The following KCNH5 variants were observed in gnomAD, a reference collection of about 807,000 sequenced individuals.
KCNH5 encodes potassium voltage-gated channel subfamily H member 5.
In KCNH5, 46 loss-of-function variants were observed where a neutral mutation model predicts 96.1. The observed-to-expected ratio is 0.48, with a 90% CI of 0.38 to 0.61. The LOEUF (loss-of-function observed/expected upper bound fraction) is 0.61. KCNH5 is among the 20% of genes least tolerant of loss of function. KCNH5 has a pLI of 0.00. For missense variants in KCNH5, 907 were observed against 1,225.8 expected, an observed-to-expected ratio of 0.74 and a Z score of 3.88; for synonymous variants, 439 against 449.8, an observed-to-expected ratio of 0.98 and a Z score of 0.30.
chr14:62,727,458 T>C (rs1464659711), intron 10 of KCNH5, among the ~76,000 whole-genome samples: 2 of 152,166 alleles, frequency 1.3e-5, no homozygotes, highest in Non-Finnish European at 2.9e-5. Flanking sequence ...ATGTTTCCTG[T>C]TCTGTTTCTT....
At chr14:62,742,561 T>C (rs564920791) in intron 10 of KCNH5, among the ~76,000 whole-genome samples, 1 of 152,218 alleles carries the variant, frequency 6.6e-6, no homozygotes, top group Non-Finnish European at 1.5e-5. Flanking sequence ...CTGAGGCCCA[T>C]TGTATTTTAT....
At chr14:63,001,587 G>A (rs978391999) in intron 3 of KCNH5, 128 bp from the exon 4 acceptor site, 13 of 738,420 alleles carry the variant, frequency 1.8e-5, no homozygotes, top group Non-Finnish European at 2.8e-5. Context: ...CAAAACAACA[G>A]TATATTAATT....
rs1166036876 is a variant in KCNH5, at chr14:62,701,658, T to A, written c.*5850A>T. ...ATTAGCCAAGTGAAAACAAGATGGTTTGGGCTGAAGATTCCAGCATGTAGT... is the reference window on the plus strand; with the variant it reads ...ATTAGCCAAGTGAAAACAAGATGGTATGGGCTGAAGATTCCAGCATGTAGT... On this transcript the variant is annotated 3_prime_UTR_variant, in exon 11 of 11. Coordinates refer to ENST00000322893, the MANE Select transcript of KCNH5 (RefSeq NM_139318.5). The A allele has an allele frequency of 6.6e-6, 1 of 152,172 alleles. No individual in the cohort carries two copies. The highest frequency in any genetic ancestry group is 1.5e-5 in the Non-Finnish European group (1 of 68,006). 9.4% of individuals were successfully genotyped at this position (152,172 alleles called of 1,614,324 possible).
At chr14:62,784,557 T>C (rs1886282749) in intron 9 of KCNH5, among the ~76,000 whole-genome samples, 1 of 152,186 alleles carries the variant, frequency 6.6e-6, no homozygotes, top group Admixed American at 6.6e-5. Flanking sequence ...AGCAAACCAT[T>C]TTCACCGATG....
At chr14:62,888,069 G>C (rs1888633794) in intron 7 of KCNH5, among the ~76,000 whole-genome samples, 1 of 152,100 alleles carries the variant, frequency 6.6e-6, no homozygotes, top group Non-Finnish European at 1.5e-5. Flanking sequence ...AAAAATGTTG[G>C]CATGCTAATT....
chr14:62,780,104 A>G (rs1326218238), intron 9 of KCNH5, among the ~76,000 whole-genome samples, 180 bp from the exon 10 acceptor site: 1 of 152,192 alleles, frequency 6.6e-6, no homozygotes, highest in Admixed American at 6.5e-5. Flanking sequence ...AAGTAACATC[A>G]CCCTGAATTC....
At chr14:62,994,055 A>G (rs1248920165) in intron 4 of KCNH5, among the ~76,000 whole-genome samples, 8 of 152,118 alleles carry the variant, frequency 5.3e-5, no homozygotes, top group Non-Finnish European at 1.2e-4. Flanking sequence ...TTAAAAATAA[A>G]AAGAAGTCAC....
At chr14:62,726,901 T>C (rs927838635) in intron 10 of KCNH5, among the ~76,000 whole-genome samples, 8 of 152,180 alleles carry the variant, frequency 5.3e-5, no homozygotes, top group African/African-American at 1.9e-4. Flanking sequence ...ATTCAGTTGG[T>C]ACAAAACTCT....
intron 10 of KCNH5, among the ~76,000 whole-genome samples, chr14:62,772,987 C>G (rs1347540342): frequency 6.6e-6 from 1 of 152,092 alleles, no homozygotes; most frequent in Non-Finnish European, 1.5e-5. Flanking sequence ...TTATCCTGAA[C>G]CACAGTATGA....
At chr14:62,737,482 A>C (rs1374666014) in intron 10 of KCNH5, among the ~76,000 whole-genome samples, 1 of 152,140 alleles carries the variant, frequency 6.6e-6, no homozygotes, top group African/African-American at 2.4e-5. Context: ...CAGTCTGTTT[A>C]TTCGTCTGTT....
intron 8 of KCNH5, among the ~76,000 whole-genome samples, chr14:62,817,263 T>A (rs984858064): frequency 2.2e-5 from 3 of 134,162 alleles, no homozygotes; most frequent in East Asian, 2.0e-4. Flanking sequence ...ATATATATAA[T>A]ATATATATAT....
At chr14:62,789,108 C>T (rs918484473) in intron 9 of KCNH5, among the ~76,000 whole-genome samples, 1 of 152,072 alleles carries the variant, frequency 6.6e-6, no homozygotes, top group Non-Finnish European at 1.5e-5. Flanking sequence ...CACATCCCCA[C>T]CACTGTTTTA....
At chr14:62,976,538 A>C (rs1410891813) in intron 6 of KCNH5, among the ~76,000 whole-genome samples, 1 of 152,188 alleles carries the variant, frequency 6.6e-6, no homozygotes, top group Non-Finnish European at 1.5e-5. Context: ...ATATCAAGAC[A>C]GTAGTCATGC....
chr14:63,033,818 G>GA (rs926029466), intron 1 of KCNH5, among the ~76,000 whole-genome samples: 3 of 148,168 alleles, frequency 2.0e-5, no homozygotes, highest in Non-Finnish European at 3.0e-5. Context: ...ATAAGTTAAA[G>GA]AAAAAAAAGG....
intron 10 of KCNH5, among the ~76,000 whole-genome samples, chr14:62,752,821 G>A (rs1346299210): frequency 2.6e-5 from 4 of 152,162 alleles, no homozygotes; most frequent in Non-Finnish European, 4.4e-5. Flanking sequence ...GCCACCTTGT[G>A]AAGAAGGTGC....
At chr14:62,903,427 G>A (rs1325762240) in intron 7 of KCNH5, among the ~76,000 whole-genome samples, 3 of 152,066 alleles carry the variant, frequency 2.0e-5, no homozygotes, top group Non-Finnish European at 4.4e-5. Context: ...TTTGAAGCAA[G>A]GAACACATAC....
chr14:62,793,845 G>A (rs2139991401), intron 9 of KCNH5, among the ~76,000 whole-genome samples: 1 of 151,940 alleles, frequency 6.6e-6, no homozygotes, highest in East Asian at 1.9e-4. Flanking sequence ...AATGAAGTAA[G>A]TGTATACAGA....
intron 10 of KCNH5, among the ~76,000 whole-genome samples, chr14:62,710,695 T>C (rs1009899104): frequency 6.6e-6 from 1 of 152,098 alleles, no homozygotes; most frequent in African/African-American, 2.4e-5. Context: ...ATGTGGTAAC[T>C]GAGAGCAGCC....
At chr14:62,761,395 G>A (rs1174535256) in intron 10 of KCNH5, among the ~76,000 whole-genome samples, 2 of 150,250 alleles carry the variant, frequency 1.3e-5, no homozygotes, top group African/African-American at 4.9e-5. Flanking sequence ...ATTGTAATGT[G>A]CTACAAAGCT....
Sources: gnomAD v4.1 joint callset for allele counts (sites outside exome capture counted in the v4.1 genomes callset) on GRCh38, gnomAD v4.1.1 for gene constraint, MANE v1.5 for transcripts, NCBI Gene and HGNC (gene_info 2026-07-23, HGNC 2026-07-21) for gene names.